CRKL: variants seen among roughly 807,000 people sequenced by gnomAD.
CRKL encodes CRK like proto-oncogene, adaptor protein.
CRKL carries 3 observed loss-of-function variants against 23.0 expected under a neutral mutation model. That is an observed-to-expected ratio of 0.13 (90% CI 0.06 to 0.34). CRKL has a LOEUF of 0.34. Ranked by LOEUF, CRKL falls within the 10% of genes least tolerant of loss-of-function variation. The probability of loss-of-function intolerance (pLI) is 1.00; values close to 1 mark genes in which losing one functional copy is unlikely to be tolerated. For missense variants in CRKL, 256 were observed against 394.5 expected (o/e 0.65, Z 2.97); for synonymous variants, 188 against 160.7 (o/e 1.17, Z -1.28).
chr22:20,918,947 C>T (rs1929790819), intron 1 of CRKL, among the ~76,000 whole-genome samples: 1 of 145,152 alleles, frequency 6.9e-6, no homozygotes, highest in Non-Finnish European at 1.5e-5. Context: ...CGAGCACTCA[C>T]CACCCCACCC....
chr22:20,929,599 G>A (rs1277838741), intron 1 of CRKL, among the ~76,000 whole-genome samples: 1 of 152,104 alleles, frequency 6.6e-6, no homozygotes, highest in Non-Finnish European at 1.5e-5. Flanking sequence ...AAGTAGCTGG[G>A]CCTACAGGCA....
chr22:20,930,800 C>T (rs1288742833), intron 1 of CRKL, among the ~76,000 whole-genome samples: 1 of 150,918 alleles, frequency 6.6e-6, no homozygotes, highest in African/African-American at 2.4e-5. Flanking sequence ...CCTGCCTCAG[C>T]CTCCCGAGTG....
At chr22:20,930,071 T>C (rs1294813768) in intron 1 of CRKL, among the ~76,000 whole-genome samples, 2 of 152,172 alleles carry the variant, frequency 1.3e-5, no homozygotes, top group African/African-American at 4.8e-5. Context: ...TGAATATCTC[T>C]GCAGATACTA....
intron 1 of CRKL, among the ~76,000 whole-genome samples, chr22:20,918,851 A>G (rs902796212): frequency 7.2e-5 from 11 of 152,144 alleles, no homozygotes; most frequent in African/African-American, 7.2e-5. Flanking sequence ...CGGTCTCCCA[A>G]AATGCTGGGA....
At chr22:20,945,030 A>G (rs1021026455) in intron 2 of CRKL, among the ~76,000 whole-genome samples, 5 of 150,488 alleles carry the variant, frequency 3.3e-5, no homozygotes, top group Admixed American at 1.3e-4. Flanking sequence ...GTTTCGCTCT[A>G]TCACCCGGGC....
At chr22:20,918,507 T>C (rs900745462) in intron 1 of CRKL, among the ~76,000 whole-genome samples, 3 of 151,978 alleles carry the variant, frequency 2.0e-5, no homozygotes, top group African/African-American at 7.3e-5. Context: ...GGTGGTTGCA[T>C]AGTTAAAATG....
chr22:20,931,789 C>T lies in CRKL; in HGVS notation c.312-1990C>T, dbSNP rs150724504. On this transcript the variant is annotated intron_variant, in intron 1 of 2. Transcript: ENST00000354336. ...CTCTTGCTCCTACTACTCTTGCTAG[C>T]TATTTATTTTTATTTTTATTTTATT... Among the ~76,000 whole-genome samples the T allele has an allele frequency of 8.0e-3, 1,210 of 152,158 alleles. 10 individuals carry two copies. The highest frequency in any genetic ancestry group is 0.025 in the Admixed American group (377 of 15,284).
intron 1 of CRKL, among the ~76,000 whole-genome samples, chr22:20,927,861 A>AT (rs1569133113): frequency 6.7e-6 from 1 of 148,896 alleles, no homozygotes; most frequent in Non-Finnish European, 1.5e-5. Flanking sequence ...AAAAAAAAAA[A>AT]AAAAAGGAAA....
chr22:20,918,859 G>T (rs1929787490), intron 1 of CRKL, among the ~76,000 whole-genome samples: 1 of 152,034 alleles, frequency 6.6e-6, no homozygotes, highest in Admixed American at 6.6e-5. Flanking sequence ...CAAAATGCTG[G>T]GATTACAGGC....
In CRKL at chr22:20,924,456, G is replaced by A. The variant is rs73879442; in HGVS notation, c.311+6211G>A. Among the ~76,000 whole-genome samples the A allele has an allele frequency of 2.8e-3, 428 of 152,306 alleles. 2 individuals carry two copies. Among genetic ancestry groups the A allele is most frequent in the African/African-American group, 9.6e-3 (400 of 41,580 alleles). ...CTTCCATAATTTGGAATGGGGAAAG[G>A]ATTGCCAGTAATTTTAATCAGCATA... On this transcript the variant is annotated intron_variant, in intron 1 of 2. Transcript: ENST00000354336.
intron 1 of CRKL, among the ~76,000 whole-genome samples, chr22:20,930,333 A>C (rs1308404403): frequency 6.6e-6 from 1 of 152,150 alleles, no homozygotes; most frequent in Non-Finnish European, 1.5e-5. Flanking sequence ...CTTTGTAGTG[A>C]AAAACAGTCA....
chr22:20,932,665 G>A (rs1429007765), intron 1 of CRKL, among the ~76,000 whole-genome samples: 1 of 152,186 alleles, frequency 6.6e-6, no homozygotes, highest in African/African-American at 2.4e-5. Context: ...CAGAGATGGA[G>A]TGTATGTGTG....
chr22:20,936,418 G>A (rs1050995375), intron 2 of CRKL, among the ~76,000 whole-genome samples: 3 of 151,932 alleles, frequency 2.0e-5, no homozygotes, highest in Non-Finnish European at 2.9e-5. Context: ...GCACGATCTC[G>A]GTTCACTGCA....
At chr22:20,948,569 TGTA>T (rs1922154564) in intron 2 of CRKL, among the ~76,000 whole-genome samples, 1 of 152,226 alleles carries the variant, frequency 6.6e-6, no homozygotes, top group Non-Finnish European at 1.5e-5. Flanking sequence ...GCTACAGTCA[TGTA>T]GTTTCTAAAA....
intron 2 of CRKL, among the ~76,000 whole-genome samples, chr22:20,938,437 G>A (rs988820951): frequency 3.3e-5 from 5 of 152,250 alleles, no homozygotes; most frequent in Admixed American, 6.5e-5. Context: ...TGAGACTAAC[G>A]TCACTGAATA....
At chr22:20,942,631 T>C (rs1205689735) in intron 2 of CRKL, among the ~76,000 whole-genome samples, 1 of 152,164 alleles carries the variant, frequency 6.6e-6, no homozygotes, top group Non-Finnish European at 1.5e-5. Flanking sequence ...GTTTAGCTTT[T>C]TTTTTTTGAA....
chr22:20,931,713 G>A lies in CRKL; in HGVS notation c.312-2066G>A, dbSNP rs1440714176. On this transcript the variant is annotated intron_variant, in intron 1 of 2. Coordinates refer to ENST00000354336, the MANE Select transcript of CRKL (RefSeq NM_005207.4). ...TATTAAATAATCCAATCTCTTCAAA[G>A]ATCGTAAACCATGCCTAGCATAGAT... is the stretch of plus-strand genomic sequence containing the variant. Among the ~76,000 whole-genome samples the A allele has an allele frequency of 1.3e-5, 2 of 152,300 alleles. 1 individual carries two copies. The highest frequency in any genetic ancestry group is 4.1e-4 in the South Asian group (2 of 4,830).
chr22:20,928,869 T>C (rs1040903629), intron 1 of CRKL, among the ~76,000 whole-genome samples: 6 of 151,940 alleles, frequency 3.9e-5, no homozygotes, highest in African/African-American at 1.5e-4. Context: ...AAACTTCCTT[T>C]TTCTAGAAGT....
At chr22:20,949,643 T>G (rs2147918048) in intron 2 of CRKL, 68 bp from the exon 3 acceptor site, 1 of 1,589,160 alleles carries the variant, frequency 6.3e-7, no homozygotes, top group Non-Finnish European at 8.6e-7. Flanking sequence ...GTAGTGTTTG[T>G]GATTTAATGT....
Sources: allele counts gnomAD v4.1 joint callset (sites outside exome capture counted in the v4.1 genomes callset), GRCh38; gene constraint gnomAD v4.1.1; transcripts MANE v1.5; gene names NCBI Gene and HGNC (gene_info 2026-07-23, HGNC 2026-07-21).